The following FBXL7 variants were observed in gnomAD, a reference collection of about 807,000 sequenced individuals.
FBXL7 encodes the protein F-box and leucine rich repeat protein 7.
Under a neutral mutation model 38.3 loss-of-function variants are expected in FBXL7, and 12 were observed. That is an observed-to-expected ratio of 0.31 (90% confidence interval 0.20 to 0.51). The LOEUF (loss-of-function observed/expected upper bound fraction) is 0.51, where lower values mean the gene tolerates loss of function less well. Among genes scored for constraint, FBXL7 ranks in the 20% least tolerant of loss-of-function variants. The probability of loss-of-function intolerance (pLI) is 0.98; values close to 1 mark genes in which losing one functional copy is unlikely to be tolerated. For synonymous variants in FBXL7, 297 were observed against 300.9 expected (o/e 0.99, Z 0.13); for missense variants, 567 against 676.4 (o/e 0.84, Z 1.79).
intron 2 of FBXL7, among the ~76,000 whole-genome samples, chr5:15,921,573 T>G (rs1466874130): frequency 6.6e-6 from 1 of 152,154 alleles, no homozygotes; most frequent in African/African-American, 2.4e-5. Context: ...AAAAAAAGTT[T>G]GCTCAAAGAC....
At chr5:15,869,348 G>A (rs1003651503) in intron 2 of FBXL7, among the ~76,000 whole-genome samples, 6 of 152,124 alleles carry the variant, frequency 3.9e-5, no homozygotes, top group Non-Finnish European at 1.5e-5. Context: ...ACCACATCAT[G>A]CTCCCCAGGC....
chr5:15,515,113 G>A (rs1736899325), intron 1 of FBXL7, among the ~76,000 whole-genome samples: 1 of 152,212 alleles, frequency 6.6e-6, no homozygotes, highest in Admixed American at 6.5e-5. Context: ...ACAGGATGCT[G>A]TTTTGGCAGT....
At chr5:15,906,768 T>A (rs1741379953) in intron 2 of FBXL7, among the ~76,000 whole-genome samples, 1 of 69,638 alleles carries the variant, frequency 1.4e-5, no homozygotes. Flanking sequence ...TATGCGGTGT[T>A]TGGTTTTTTG....
At chr5:15,845,202 C>CTTGAGG (rs1208125468) in intron 2 of FBXL7, among the ~76,000 whole-genome samples, 3 of 152,332 alleles carry the variant, frequency 2.0e-5, no homozygotes, top group African/African-American at 7.2e-5. Flanking sequence ...CTTGAGGAAG[C>CTTGAGG]ACACATTTGG....
At chr5:15,549,572 C>T (rs1561023781) in intron 1 of FBXL7, among the ~76,000 whole-genome samples, 1 of 151,766 alleles carries the variant, frequency 6.6e-6, no homozygotes, top group South Asian at 2.1e-4. Flanking sequence ...AAATGTTATC[C>T]CCTCACCAAA....
chr5:15,917,668 A>G (rs1452000759), intron 2 of FBXL7, among the ~76,000 whole-genome samples: 32 of 65,640 alleles, frequency 4.9e-4, no homozygotes, highest in East Asian at 3.7e-3. Context: ...GAAGGAAGGA[A>G]GGAAGGAAGG....
chr5:15,747,690 A>G (rs1736050062), intron 2 of FBXL7, among the ~76,000 whole-genome samples: 1 of 152,222 alleles, frequency 6.6e-6, no homozygotes, highest in Non-Finnish European at 1.5e-5. Flanking sequence ...GTTCAAATGC[A>G]CACATACGGA....
intron 2 of FBXL7, among the ~76,000 whole-genome samples, chr5:15,671,105 C>G (rs980728778): frequency 6.6e-6 from 1 of 152,190 alleles, no homozygotes; most frequent in African/African-American, 2.4e-5. Flanking sequence ...TCCACTTGAG[C>G]TGTACCTTTA....
rs1017825972 is a variant in FBXL7, at chr5:15,899,143, C to T, written c.128-28747C>T. Among the ~76,000 whole-genome samples the T allele has an allele frequency of 4.6e-5, 7 of 152,102 alleles. 1 individual carries two copies. The highest frequency in any genetic ancestry group is 4.2e-4 in the South Asian group (2 of 4,816). On this transcript the variant is annotated intron_variant, in intron 2 of 3. Coordinates refer to ENST00000504595, the MANE Select transcript of FBXL7 (RefSeq NM_012304.5). ...GTGCAATGGTGCAATCTCGGCTCACCGCAACCTCCACCTCCTGGGTTCAAG... is the reference window on the plus strand; with the variant it reads ...GTGCAATGGTGCAATCTCGGCTCACTGCAACCTCCACCTCCTGGGTTCAAG...
At chr5:15,848,659 C>T (rs768065975) in intron 2 of FBXL7, among the ~76,000 whole-genome samples, 2 of 152,140 alleles carry the variant, frequency 1.3e-5, no homozygotes, top group African/African-American at 4.8e-5. Context: ...GGATTACAAG[C>T]GTGAGCCACC....
chr5:15,692,442 C>T (rs1191421488), intron 2 of FBXL7, among the ~76,000 whole-genome samples: 2 of 152,184 alleles, frequency 1.3e-5, no homozygotes, highest in Non-Finnish European at 2.9e-5. Context: ...CTGTATCTCC[C>T]TCTGTTGTCT....
chr5:15,578,358 CAA>C (rs893386339), intron 1 of FBXL7, among the ~76,000 whole-genome samples: 18 of 152,132 alleles, frequency 1.2e-4, no homozygotes, highest in East Asian at 3.9e-4. Context: ...ATGTCGCTCC[CAA>C]GAGAGAGAGA....
intron 2 of FBXL7, among the ~76,000 whole-genome samples, chr5:15,736,199 C>G (rs1735743661): frequency 6.6e-6 from 1 of 152,106 alleles, no homozygotes; most frequent in Admixed American, 6.6e-5. Context: ...AAGCTTAACT[C>G]CAATTTATTC....
intron 2 of FBXL7, among the ~76,000 whole-genome samples, chr5:15,801,980 A>T (rs1257878169): frequency 1.3e-5 from 2 of 152,086 alleles, no homozygotes; most frequent in African/African-American, 2.4e-5. Context: ...ACTTAGTCTG[A>T]TGGGGTATTG....
intron 2 of FBXL7, among the ~76,000 whole-genome samples, chr5:15,849,792 T>G (rs1739037992): frequency 6.6e-6 from 1 of 152,246 alleles, no homozygotes; most frequent in Non-Finnish European, 1.5e-5. Flanking sequence ...TATGACAGTT[T>G]ACCCAAATTC....
chr5:15,773,746 T>C (rs933614190), intron 2 of FBXL7, among the ~76,000 whole-genome samples: 1 of 152,142 alleles, frequency 6.6e-6, no homozygotes, highest in Non-Finnish European at 1.5e-5. Flanking sequence ...TGCTGCTGTT[T>C]ATAATATCGT....
intron 2 of FBXL7, among the ~76,000 whole-genome samples, chr5:15,748,301 T>C (rs962181027): frequency 6.6e-6 from 1 of 152,254 alleles, no homozygotes; most frequent in African/African-American, 2.4e-5. Context: ...TTCATTATTG[T>C]GTCCTCCATG....
At chr5:15,617,939 A>G (rs74715310) in intron 2 of FBXL7, among the ~76,000 whole-genome samples, 4,557 of 152,264 alleles carry the variant, frequency 0.03, 108 homozygotes, top group East Asian at 0.054. Flanking sequence ...CAGGTTAAAT[A>G]ATCTGTTTTT....
intron 2 of FBXL7, among the ~76,000 whole-genome samples, chr5:15,845,229 G>A (rs1738861499): frequency 6.6e-6 from 1 of 152,160 alleles, no homozygotes; most frequent in African/African-American, 2.4e-5. Context: ...TCCTTATGCT[G>A]GTAATGGTTA....
Sources: gnomAD v4.1 joint callset for allele counts (sites outside exome capture counted in the v4.1 genomes callset) on GRCh38, gnomAD v4.1.1 for gene constraint, MANE v1.5 for transcripts, NCBI Gene and HGNC (gene_info 2026-07-23, HGNC 2026-07-21) for gene names.